ADAMTSL1: variants seen among roughly 807,000 people sequenced by gnomAD.
The protein encoded by ADAMTSL1 is ADAMTS-like protein 1.
A neutral mutation model predicts 201.8 loss-of-function variants in ADAMTSL1; 126 were observed. That is an observed-to-expected ratio of 0.62 (90% CI 0.54 to 0.72). The LOEUF (loss-of-function observed/expected upper bound fraction) is 0.72. Among genes scored for constraint, ADAMTSL1 ranks in the 30% least tolerant of loss-of-function variants. ADAMTSL1 has a pLI of 0.00. For missense variants in ADAMTSL1, 2,679 were observed against 2,277.8 expected (o/e 1.18, Z -3.59); for synonymous variants, 1,121 against 903.4 (o/e 1.24, Z -4.32).
chr9:18,430,614 C>G (rs900861546), intron 2 of ADAMTSL1, among the ~76,000 whole-genome samples: 5 of 152,150 alleles, frequency 3.3e-5, no homozygotes, highest in African/African-American at 1.2e-4. Context: ...ACTGCCTATA[C>G]TGTTTCCCTA....
chr9:18,853,495 C>T (rs557155403), intron 23 of ADAMTSL1, among the ~76,000 whole-genome samples: 2 of 152,248 alleles, frequency 1.3e-5, no homozygotes, highest in East Asian at 3.9e-4. Flanking sequence ...TTAACAGGTC[C>T]AAGAGGAGTC....
At chr9:18,796,948 A>G (rs1822461848) in intron 20 of ADAMTSL1, among the ~76,000 whole-genome samples, 1 of 152,200 alleles carries the variant, frequency 6.6e-6, no homozygotes, top group Admixed American at 6.5e-5. Flanking sequence ...ATTAATCCAG[A>G]TATGGTTCAG....
At chr9:18,662,154 T>C (rs2133028934) in intron 9 of ADAMTSL1, 81 bp downstream of exon 9, 1 of 1,494,598 alleles carries the variant, frequency 6.7e-7, no homozygotes, top group South Asian at 1.3e-5. Flanking sequence ...TGAAACGTTT[T>C]AATTAAAAAT....
chr9:18,798,343 T>C (rs1822563199), intron 20 of ADAMTSL1, among the ~76,000 whole-genome samples: 1 of 152,230 alleles, frequency 6.6e-6, no homozygotes, highest in Admixed American at 6.5e-5. Context: ...TTATACTCAC[T>C]GACTCAATTT....
chr9:18,891,282 T>C (rs1225246544), intron 25 of ADAMTSL1, among the ~76,000 whole-genome samples: 1 of 152,160 alleles, frequency 6.6e-6, no homozygotes, highest in East Asian at 1.9e-4. Flanking sequence ...CCTGGTTGTC[T>C]CTTTGAGATA....
intron 1 of ADAMTSL1, among the ~76,000 whole-genome samples, chr9:17,956,766 G>T (rs1328233150): frequency 1.3e-5 from 2 of 152,168 alleles, no homozygotes; most frequent in African/African-American, 2.4e-5. Context: ...TGCAGCCATT[G>T]TTAATCTGAC....
At chr9:18,229,418 T>C (rs1830559055) in intron 2 of ADAMTSL1, among the ~76,000 whole-genome samples, 1 of 152,124 alleles carries the variant, frequency 6.6e-6, no homozygotes, top group African/African-American at 2.4e-5. Context: ...TTTTGAATCG[T>C]GCCTGCCCCA....
intron 20 of ADAMTSL1, among the ~76,000 whole-genome samples, chr9:18,800,114 T>C (rs1204934869): frequency 6.6e-6 from 1 of 152,132 alleles, no homozygotes; most frequent in African/African-American, 2.4e-5. Flanking sequence ...CGGTGGCTCA[T>C]GCCTGTAATC....
intron 2 of ADAMTSL1, among the ~76,000 whole-genome samples, chr9:18,187,652 T>C (rs1828797176): frequency 6.6e-6 from 1 of 152,130 alleles, no homozygotes; most frequent in African/African-American, 2.4e-5. Context: ...TTCTTTTTAA[T>C]ATATATTTGG....
chr9:18,809,928 A>G (rs1823399211), intron 20 of ADAMTSL1, among the ~76,000 whole-genome samples: 1 of 152,258 alleles, frequency 6.6e-6, no homozygotes, highest in Non-Finnish European at 1.5e-5. Context: ...ATAAAACTGT[A>G]GTGAGGGAAG....
chr9:18,835,104 A>G (rs1297074792), intron 23 of ADAMTSL1, among the ~76,000 whole-genome samples: 1 of 152,102 alleles, frequency 6.6e-6, no homozygotes, highest in African/African-American at 2.4e-5. Flanking sequence ...GAAAGTTCTG[A>G]GTTCTCCTTG....
At chr9:18,718,490 C>A in intron 14 of ADAMTSL1, 3 of 569,090 alleles carry the variant, frequency 5.3e-6, no homozygotes, top group South Asian at 4.2e-5. Context: ...CTTTCCAACG[C>A]CTCCTGGGCC....
intron 1 of ADAMTSL1, among the ~76,000 whole-genome samples, chr9:17,920,797 C>T (rs1400897412): frequency 6.6e-5 from 10 of 152,196 alleles, no homozygotes; most frequent in Non-Finnish European, 2.9e-5. Flanking sequence ...CTTCTCAACT[C>T]TGCCTTTATA....
chr9:18,152,318 G>A (rs987175679), intron 1 of ADAMTSL1, among the ~76,000 whole-genome samples: 2 of 151,954 alleles, frequency 1.3e-5, no homozygotes, highest in African/African-American at 4.8e-5. Context: ...AGTAGAAGGA[G>A]ATAGGAGGGA....
chr9:18,851,531 A>T (rs564966377), intron 23 of ADAMTSL1, among the ~76,000 whole-genome samples: 7 of 152,164 alleles, frequency 4.6e-5, no homozygotes, highest in Admixed American at 3.3e-4. Flanking sequence ...TTTCTTAAAA[A>T]TTTTCAGAGC....
At chr9:18,363,417 C>A (rs992958890) in intron 2 of ADAMTSL1, among the ~76,000 whole-genome samples, 1 of 152,192 alleles carries the variant, frequency 6.6e-6, no homozygotes, top group Admixed American at 6.5e-5. Context: ...TGGGAGACAG[C>A]ATGGAAAGAA....
chr9:18,552,347 A>G (rs1443344354), intron 3 of ADAMTSL1, among the ~76,000 whole-genome samples: 1 of 151,850 alleles, frequency 6.6e-6, no homozygotes, highest in Non-Finnish European at 1.5e-5. Flanking sequence ...TAAATTACTT[A>G]CAAATCTGTT....
At chr9:18,710,973 C>A (rs749841848) in intron 14 of ADAMTSL1, among the ~76,000 whole-genome samples, 7 of 152,080 alleles carry the variant, frequency 4.6e-5, no homozygotes, top group Non-Finnish European at 1.0e-4. Context: ...CAAAACGTTA[C>A]ACATATGAAA....
chr9:18,247,946 C>T (rs1255567739), intron 2 of ADAMTSL1, among the ~76,000 whole-genome samples: 1 of 152,070 alleles, frequency 6.6e-6, no homozygotes, highest in Non-Finnish European at 1.5e-5. Flanking sequence ...ATGGCTTGAT[C>T]TGTCAGCCTA....
Sources: gnomAD v4.1 joint callset for allele counts (sites outside exome capture counted in the v4.1 genomes callset) on GRCh38, gnomAD v4.1.1 for gene constraint, MANE v1.5 for transcripts, NCBI Gene and HGNC (gene_info 2026-07-23, HGNC 2026-07-21) for gene names.